The following MAP7 variants were observed in gnomAD, a reference collection of about 807,000 sequenced individuals.
The protein encoded by MAP7 is ensconsin.
A neutral mutation model predicts 94.8 loss-of-function variants in MAP7; 52 were observed. That is an observed-to-expected ratio of 0.55 (90% CI 0.44 to 0.69). MAP7 has a LOEUF of 0.69. Ranked by LOEUF, MAP7 falls within the 30% of genes least tolerant of loss-of-function variation. The pLI, the probability that MAP7 is intolerant of heterozygous loss-of-function variation, is 0.00. For synonymous variants in MAP7, 350 were observed against 357.0 expected (o/e 0.98, Z 0.22); for missense variants, 940 against 964.6 (o/e 0.97, Z 0.34).
intron 15 of MAP7, 99 bp from the exon 16 acceptor site, chr6:136,356,893 G>A: frequency 1.1e-6 from 1 of 911,698 alleles, no homozygotes; most frequent in South Asian, 1.5e-5. Flanking sequence ...TGCTGGTTCT[G>A]CTACTTAAGT....
chr6:136,462,529 C>T (rs188273501), intron 1 of MAP7, among the ~76,000 whole-genome samples: 1 of 152,310 alleles, frequency 6.6e-6, no homozygotes, highest in Admixed American at 6.5e-5. Context: ...AAAAGAATCT[C>T]TAAGTTCTGT....
intron 4 of MAP7, 143 bp downstream of exon 4, chr6:136,389,211 T>C (rs1312697964): frequency 7.4e-7 from 1 of 1,344,972 alleles, no homozygotes; most frequent in Non-Finnish European, 9.7e-7. Flanking sequence ...CTGAACTCCC[T>C]AGAAACTGTA....
intron 3 of MAP7, among the ~76,000 whole-genome samples, chr6:136,397,529 C>A: frequency 8.6e-6 from 1 of 116,712 alleles, no homozygotes; most frequent in South Asian, 3.0e-4. Context: ...AGTTCATATG[C>A]TGAAGCCCTA....
At chr6:136,402,926 A>G (rs1784554458) in intron 3 of MAP7, among the ~76,000 whole-genome samples, 4 of 147,074 alleles carry the variant, frequency 2.7e-5, no homozygotes, top group African/African-American at 1.0e-4. Flanking sequence ...AAAAAAAAAA[A>G]AAAAAAAAAA....
intron 1 of MAP7, among the ~76,000 whole-genome samples, chr6:136,435,809 T>C (rs1796235583): frequency 6.6e-6 from 1 of 152,176 alleles, no homozygotes; most frequent in African/African-American, 2.4e-5. Context: ...TTAGAAATAG[T>C]AGAATCTGAG....
chr6:136,343,552 A>G lies in MAP7; in HGVS notation c.*676T>C, dbSNP rs1049633007. ...TTATCTGGAAAAACTTTATAAATAC[A>G]TTATGTAAGAGGGCAGTAAATTATT... On this transcript the variant is annotated 3_prime_UTR_variant, in exon 18 of 18. Transcript: ENST00000354570. The G allele has an allele frequency of 2.3e-4, 35 of 152,594 alleles. No homozygotes were observed. The highest frequency in any genetic ancestry group is 8.2e-4 in the African/African-American group (34 of 41,460). 9.5% of individuals were successfully genotyped at this position (152,594 alleles called of 1,614,324 possible). A position where few individuals can be genotyped will look rare whatever the true frequency, so the allele number is the denominator to read the frequency against.
At chr6:136,436,937 GACC>G (rs1562398879) in intron 1 of MAP7, among the ~76,000 whole-genome samples, 1 of 152,138 alleles carries the variant, frequency 6.6e-6, no homozygotes, top group African/African-American at 2.4e-5. Context: ...AAATTAATGT[GACC>G]ACATTAAAAA....
At chr6:136,483,677 CAAAAA>C (rs1269774026) in intron 1 of MAP7, among the ~76,000 whole-genome samples, 1 of 151,278 alleles carries the variant, frequency 6.6e-6, no homozygotes, top group South Asian at 2.1e-4. Flanking sequence ...CAAAACAAAA[CAAAAA>C]AAAGTTTTTC....
At chr6:136,404,381 C>G (rs568326823) in intron 3 of MAP7, among the ~76,000 whole-genome samples, 1 of 149,540 alleles carries the variant, frequency 6.7e-6, no homozygotes, top group African/African-American at 2.5e-5. Context: ...AAAGGAAGCC[C>G]GATGAAATTA....
At chr6:136,394,849 C>A (rs941203543) in intron 3 of MAP7, among the ~76,000 whole-genome samples, 2 of 145,534 alleles carry the variant, frequency 1.4e-5, no homozygotes, top group Non-Finnish European at 3.0e-5. Context: ...TGTCTTACTT[C>A]TAAGACAGTG....
chr6:136,359,419 T>A (rs1029077729), intron 15 of MAP7, among the ~76,000 whole-genome samples: 3 of 152,188 alleles, frequency 2.0e-5, no homozygotes, highest in Admixed American at 6.5e-5. Context: ...AAATTTAAAG[T>A]CCTTTCTTAA....
Position 136,530,843 on chromosome 6 carries a change from G to A in MAP7, c.67+19499C>T, listed in dbSNP as rs747345021. 3.0e-4 allele frequency among the ~76,000 whole-genome samples: 44 copies of A among 144,824 alleles called. 2 individuals are homozygous for A. Among genetic ancestry groups the A allele is most frequent in the Admixed American group, 1.2e-3 (18 of 14,846 alleles). ...AAACAGTAAATACTGCCCTAGTAGC[G>A]GTGATGCCATCAGCCAGAAGTACCA... On this transcript the variant is annotated intron_variant, in intron 1 of 17. Coordinates refer to ENST00000354570, the MANE Select transcript of MAP7 (RefSeq NM_003980.6).
At chr6:136,345,630 C>G (rs774550455) in intron 17 of MAP7, among the ~76,000 whole-genome samples, 5 of 152,194 alleles carry the variant, frequency 3.3e-5, no homozygotes, top group Non-Finnish European at 7.3e-5. Context: ...GTGCTGCGGA[C>G]TGGACTTCTG....
intron 1 of MAP7, among the ~76,000 whole-genome samples, chr6:136,505,509 A>C (rs895909091): frequency 2.0e-5 from 3 of 151,708 alleles, no homozygotes; most frequent in African/African-American, 7.3e-5. Flanking sequence ...AATAAGTTCC[A>C]ATAAAAATAT....
chr6:136,449,395 G>A (rs540975930), intron 1 of MAP7, among the ~76,000 whole-genome samples: 1 of 152,270 alleles, frequency 6.6e-6, no homozygotes, highest in Admixed American at 6.5e-5. Context: ...TTCGAGAATC[G>A]TGCAGCTCCC....
chr6:136,470,621 C>A (rs1270766620), intron 1 of MAP7, among the ~76,000 whole-genome samples: 1 of 152,026 alleles, frequency 6.6e-6, no homozygotes, highest in African/African-American at 2.4e-5. Flanking sequence ...ATCTCATTTT[C>A]CCCACCCTCC....
chr6:136,393,808 T>G lies in MAP7; in HGVS notation c.245-4291A>C, dbSNP rs1043032966. ...ACCACATTCAGCAAAATTTTTTTTT[T>G]TTTTTTTTTTTTTTTAGAGATAGGG... is the stretch of plus-strand genomic sequence containing the variant. On this transcript the variant is annotated intron_variant, in intron 3 of 17. Transcript: ENST00000354570. Among the ~76,000 whole-genome samples the G allele has an allele frequency of 8.9e-5, 13 of 146,130 alleles. No individual in the cohort carries two copies. The South Asian group carries it at 1.1e-3, about 13-fold the overall frequency.
chr6:136,376,525 C>T (rs1197930996), intron 7 of MAP7, among the ~76,000 whole-genome samples: 1 of 152,174 alleles, frequency 6.6e-6, no homozygotes, highest in Non-Finnish European at 1.5e-5. Flanking sequence ...CCAGGAAAAC[C>T]TCAGATGCAA....
chr6:136,497,159 T>C (rs931946673), intron 1 of MAP7, among the ~76,000 whole-genome samples: 1 of 151,848 alleles, frequency 6.6e-6, no homozygotes, highest in Non-Finnish European at 1.5e-5. Context: ...GTCAGAACCT[T>C]GGGGGTAAGA....
Sources: allele counts gnomAD v4.1 joint callset (sites outside exome capture counted in the v4.1 genomes callset), GRCh38; gene constraint gnomAD v4.1.1; transcripts MANE v1.5; gene names NCBI Gene and HGNC (gene_info 2026-07-23, HGNC 2026-07-21).